TPRN: variants seen among roughly 807,000 people sequenced by gnomAD.
The protein encoded by TPRN is chromosome 9 open reading frame 75.
A neutral mutation model predicts 42.6 loss-of-function variants in TPRN; 32 were observed. That is an observed-to-expected ratio of 0.75 (90% CI 0.57 to 1.01). TPRN has a LOEUF of 1.01. Ranked by LOEUF, TPRN falls within the 50% of genes least tolerant of loss-of-function variation. The pLI is 0.00. For synonymous variants in TPRN, 541 were observed against 445.6 expected (o/e 1.21, Z -2.70); for missense variants, 1,095 against 957.5 (o/e 1.14, Z -1.90).
At position 137,199,627 on chromosome 9, in the gene TPRN, G is replaced by A; in HGVS notation, c.1085C>T (p.Ser362Phe). 19 of 1,563,008 alleles carry A rather than the reference G, an allele frequency of 1.2e-5. No homozygotes were observed. The highest frequency in any genetic ancestry group is 1.9e-5 in the Admixed American group (1 of 52,526). Reference sequence around the variant, plus strand: ...CTGGGATCCGAGCTCCTGGCTCGGGGAGGCCGGGCCCAGGTCTCCCTTTGG... The same window carrying A: ...CTGGGATCCGAGCTCCTGGCTCGGGAAGGCCGGGCCCAGGTCTCCCTTTGG... The part of the protein sequence containing the change: ...ELPKGDLGPA[S>F]PSQELGSQPV... Residue 362 changes from serine (S) to phenylalanine (F), a missense_variant, in exon 1 of 4, where the codon TCC becomes TTC. By Grantham distance (155) the Ser-to-Phe change is radical. Transcript: ENST00000409012.
In TPRN at chr9:137,200,027, CAG is replaced by C. The variant is rs1834777911; in HGVS notation, c.683_684del (p.Pro228ArgfsTer54). Reference protein sequence around the residue: ...ARLLSNGHSAPEPRAGPANRL... With the variant: ...ARLLSNGHSAXEPRAGPANRL... ...CGGTTGGCAGGGCCGGCCCGGGGCT[CAG>C]GGGCCGAGTGCCCGTTGGAGAGCAG... On this transcript the variant is annotated frameshift_variant, in exon 1 of 4. Transcript: ENST00000409012. LOFTEE classifies it high-confidence loss of function. The surrounding 1 kb of genome is among the most constrained non-coding windows in gnomAD (Gnocchi z 4.3). 6.9e-7 allele frequency: 1 copy of C among 1,441,964 alleles called. No homozygotes were observed. The highest frequency in any genetic ancestry group is 1.4e-5 in the African/African-American group (1 of 69,796). The allele number at this position is 1,441,964 out of a possible 1,614,324, so 89.3% of individuals were successfully genotyped here.
rs1213473552 is a variant in TPRN, at chr9:137,199,520, C to T, written c.1192G>A (p.Ala398Thr). The T allele has an allele frequency of 6.4e-7, 1 of 1,572,294 alleles. No individual in the cohort carries two copies. The highest frequency in any genetic ancestry group is 1.9e-5 in the Admixed American group (1 of 53,948). ...VEAQWAVEEG[A>T]CPRTATALAD... Reference sequence around the variant, plus strand: ...AGGGCGGTGGCTGTCCTGGGACAGGCCCCCTCCTCGACTGCCCACTGTGCC... The same window carrying T: ...AGGGCGGTGGCTGTCCTGGGACAGGTCCCCTCCTCGACTGCCCACTGTGCC... Residue 398 changes from alanine (A) to threonine (T), a missense_variant, in exon 1 of 4, where the codon GCC (alanine) becomes ACC (threonine). Ala to Thr is a moderately conservative substitution (Grantham distance 58, BLOSUM62 0). Transcript: ENST00000409012.
At position 137,199,759 on chromosome 9, in the gene TPRN, C is replaced by CG; in HGVS notation, c.952dup (p.Arg318ProfsTer29). On this transcript the variant is annotated frameshift_variant, in exon 1 of 4. Transcript: ENST00000409012. LOFTEE classifies it high-confidence loss of function. The stretch of plus-strand genomic sequence containing the variant: ...GTTTGCGCGGAGGCTGGCCAGCGCC[C>CG]GGGCCTGGAGGTCCCCCAAGGGGAT... 6 of 1,611,550 alleles carry CG rather than the reference C, an allele frequency of 3.7e-6. No individual in the cohort carries two copies. Among genetic ancestry groups the CG allele is most frequent in the Non-Finnish European group, 5.1e-6 (6 of 1,179,506 alleles).
intron 1 of TPRN, chr9:137,192,895 T>G (rs1588772176): frequency 1.7e-6 from 1 of 604,162 alleles, no homozygotes; most frequent in East Asian, 2.8e-5. Context: ...GGGGTCAACC[T>G]CCCCTCCCCA....
Position 137,200,141 on chromosome 9 carries a change from C to A in TPRN, c.571G>T (p.Ala191Ser). 2.5e-5 allele frequency: 31 copies of A among 1,222,532 alleles called. No individual in the cohort carries two copies. The highest frequency in any genetic ancestry group is 3.1e-5 in the Non-Finnish European group (30 of 983,270). 75.7% of individuals were successfully genotyped at this position (1,222,532 alleles called of 1,614,324 possible). A position where few individuals can be genotyped will look rare whatever the true frequency, so the allele number is the denominator to read the frequency against. Residue 191 changes from alanine (A) to serine (S), a missense_variant, in exon 1 of 4, where the codon GCC (alanine) becomes TCC (serine). Coordinates refer to ENST00000409012, the MANE Select transcript of TPRN (RefSeq NM_001128228.3). This position sits in a 1 kb window ranked among gnomAD's most constrained non-coding sequence, Gnocchi z 4.3. ...TTCTGGAGGAAGTCGCTGCGCCGGG[C>A]CCCGGGGCTCGCCCCGCCACCGCGG... The part of the protein sequence containing the change: ...GPRGGGASPG[A>S]RRSDFLQKTG...
rs749138341 is a variant in TPRN, at chr9:137,192,673, C to T, written c.1744G>A (p.Asp582Asn). 38 of 1,613,664 alleles carry T rather than the reference C, an allele frequency of 2.4e-5. No homozygotes were observed. Among genetic ancestry groups the T allele is most frequent in the Admixed American group, 3.3e-5 (2 of 59,988 alleles). The change falls in exon 2 of 4, where the codon GAC becomes AAC. Residue 582 changes from aspartate to asparagine, a missense_variant. By Grantham distance (23) the Asp-to-Asn change is conservative (BLOSUM62 1). Coordinates refer to ENST00000409012, the MANE Select transcript of TPRN (RefSeq NM_001128228.3). ...TCAAATGTGGTCTGCAGGCTTTTGT[C>T]GTTGAAGGAGATCTTCATCTGGGAG... ...SRKKMKISFNDKSLQTTFEYP... is the reference protein window; with the variant it reads ...SRKKMKISFNNKSLQTTFEYP...
Position 137,195,377 on chromosome 9 carries a change from G to A in TPRN, c.1726-2686C>T, listed in dbSNP as rs549991336. Among the ~76,000 whole-genome samples the A allele has an allele frequency of 2.6e-5, 4 of 152,362 alleles. No individual in the cohort carries two copies. In the East Asian group the frequency reaches 7.7e-4, roughly 29 times the overall value. On this transcript the variant is annotated intron_variant, in intron 1 of 3. Coordinates refer to ENST00000409012, the MANE Select transcript of TPRN (RefSeq NM_001128228.3). ...TCCCGGCTTCAGAAGGACCACCTAG[G>A]CGGCACCTATGGGAAGAGCTGGCGG...
Position 137,199,811 on chromosome 9 carries a change from G to C in TPRN, c.901C>G (p.Pro301Ala). 1.3e-6 allele frequency: 2 copies of C among 1,594,036 alleles called. No homozygotes were observed. Among genetic ancestry groups the C allele is most frequent in the Non-Finnish European group, 1.7e-6 (2 of 1,170,700 alleles). The change falls in exon 1 of 4, where the codon CCG (proline) becomes GCG (alanine). Residue 301 changes from proline (P) to alanine (A), a missense_variant. By Grantham distance (27) the Pro-to-Ala change is conservative. Transcript: ENST00000409012. ...GTCTCCATAACTGGCTTGGGGGCCG[G>C]CCGTATCTCGAAGGAGTCGTTGGTG... ...TSTNDSFEIR[P>A]APKPVMETIP...
chr9:137,191,802 G>C lies in TPRN; in HGVS notation c.*310C>G. On this transcript the variant is annotated 3_prime_UTR_variant, in exon 4 of 4. Transcript: ENST00000409012. Reference sequence around the variant, plus strand: ...GGCTGAGGAGACAGGACAGGGAATGGCCAGGTGCAGAATCTGCACAGCCCC... The same window carrying C: ...GGCTGAGGAGACAGGACAGGGAATGCCCAGGTGCAGAATCTGCACAGCCCC... The C allele has an allele frequency of 2.1e-6, 1 of 473,192 alleles. No individual in the cohort carries two copies. The highest frequency in any genetic ancestry group is 3.9e-6 in the Non-Finnish European group (1 of 255,978). 29.3% of individuals were successfully genotyped at this position (473,192 alleles called of 1,614,324 possible). A position where few individuals can be genotyped will look rare whatever the true frequency, so the allele number is the denominator to read the frequency against.
intron 3 of TPRN, 32 bp from the exon 4 acceptor site, chr9:137,192,206 G>A (rs761117453): frequency 6.2e-7 from 1 of 1,613,338 alleles, no homozygotes; most frequent in Non-Finnish European, 8.5e-7. Flanking sequence ...GTGGACACAT[G>A]GGCTCGCCCG....
chr9:137,200,695 C>A lies in TPRN; in HGVS notation c.17G>T (p.Arg6Leu). 8.3e-7 allele frequency: 1 copy of A among 1,198,872 alleles called. No individual in the cohort carries two copies. The highest frequency in any genetic ancestry group is 2.4e-5 in the South Asian group (1 of 41,066). The allele number at this position is 1,198,872 out of a possible 1,614,324, so 74.3% of individuals were successfully genotyped here. The change falls in exon 1 of 4, where the codon CGG (arginine) becomes CTG (leucine). Residue 6 changes from arginine to leucine, a missense_variant. Arg to Leu is a moderately radical substitution (Grantham distance 102, BLOSUM62 -2). Transcript: ENST00000409012. The surrounding 1 kb of genome is among the most constrained non-coding windows in gnomAD (Gnocchi z 4.3). ...CGCAGCGCGCGGCCCCGAGCCCGGC[C>A]GCCCCAGGGCGGCCATGCTGCGAAC... MAALG[R>L]PGSGPRAAVP...
At position 137,192,309 on chromosome 9, in the gene TPRN, C is replaced by A. The variant is rs139520402; in HGVS notation, c.2023G>T (p.Ala675Ser). The change falls in exon 3 of 4, where the codon GCG (alanine) becomes TCG (serine). Residue 675 changes from alanine (A) to serine (S), a missense_variant. By Grantham distance (99) the Ala-to-Ser change is moderately conservative. Coordinates refer to ENST00000409012, the MANE Select transcript of TPRN (RefSeq NM_001128228.3). The stretch of plus-strand genomic sequence containing the variant: ...GCCTCCCTCGGGGCCTGCTCCAGCG[C>A]CTGCTCCTGCCACTTGCTGAAGGCC... ...SVAFSKWQEQALEQAPREAEP... is the reference protein window; with the variant it reads ...SVAFSKWQEQSLEQAPREAEP... The A allele has an allele frequency of 6.2e-7, 1 of 1,612,902 alleles. No homozygotes were observed. Among genetic ancestry groups the A allele is most frequent in the African/African-American group, 1.3e-5 (1 of 74,940 alleles).
chr9:137,192,583 C>G lies in TPRN; in HGVS notation c.1834G>C (p.Glu612Gln). 1 of 1,612,540 alleles carries G rather than the reference C, an allele frequency of 6.2e-7. No individual in the cohort carries two copies. The highest frequency in any genetic ancestry group is 2.2e-5 in the East Asian group (1 of 44,814). ...TCCTCCTCTTCCTCTTCCTCCTCCT[C>G]CTCCTCCTCCTCCTCCTGCTGGTCC... The part of the protein sequence containing the change: ...EVDQQEEEEE[E>Q]EEEEEEEEEG... The change falls in exon 2 of 4, where the codon GAG becomes CAG. Residue 612 changes from glutamate to glutamine, a missense_variant. Coordinates refer to ENST00000409012, the MANE Select transcript of TPRN (RefSeq NM_001128228.3).
At chr9:137,196,313 A>T (rs1405674489) in intron 1 of TPRN, among the ~76,000 whole-genome samples, 1 of 152,212 alleles carries the variant, frequency 6.6e-6, no homozygotes, top group Non-Finnish European at 1.5e-5. Flanking sequence ...TGGGGTCAGC[A>T]CGGTGGCTCA....
Position 137,196,741 on chromosome 9 carries a change from A to C in TPRN, c.1725+2246T>G, listed in dbSNP as rs1834711385. Among the ~76,000 whole-genome samples, 6 of 152,298 alleles carry C rather than the reference A, an allele frequency of 3.9e-5. No individual in the cohort carries two copies. In the South Asian group the frequency reaches 1.2e-3, roughly 32 times the overall value. On this transcript the variant is annotated intron_variant, in intron 1 of 3. Coordinates refer to ENST00000409012, the MANE Select transcript of TPRN (RefSeq NM_001128228.3). ...CCCTGCCCCACAGCCCACCGTGCCG[A>C]GGCCAGCAAGCCATTCTGAAAGGCA...
Position 137,192,097 on chromosome 9 carries a change from C to T in TPRN, c.*15G>A, listed in dbSNP as rs760231148. On this transcript the variant is annotated 3_prime_UTR_variant, in exon 4 of 4. Transcript: ENST00000409012. ...CCCACAGCTGGGCTCAGCCTTGGTC[C>T]TGGCAGTGCTGGGCTCAGAAATACA... The T allele has an allele frequency of 2.4e-5, 39 of 1,611,754 alleles. No individual in the cohort carries two copies. Among genetic ancestry groups the T allele is most frequent in the Non-Finnish European group, 3.1e-5 (37 of 1,180,008 alleles).
Position 137,200,351 on chromosome 9 carries a change from C to G in TPRN, c.361G>C (p.Ala121Pro). ...PAPGAAQIRAAEVLVYGAPPG... is the reference protein window; with the variant it reads ...PAPGAAQIRAPEVLVYGAPPG... ...GGCGCCCCGTACACCAGCACCTCGG[C>G]GGCGCGGATCTGCGCGGCCCCCGGG... The change falls in exon 1 of 4, where the codon GCC becomes CCC. Residue 121 changes from alanine (A) to proline (P), a missense_variant. Ala to Pro is a conservative substitution (Grantham distance 27). Coordinates refer to ENST00000409012, the MANE Select transcript of TPRN (RefSeq NM_001128228.3). This position sits in a 1 kb window ranked among gnomAD's most constrained non-coding sequence, Gnocchi z 4.3. 9.6e-7 allele frequency: 1 copy of G among 1,038,388 alleles called. No homozygotes were observed. The highest frequency in any genetic ancestry group is 1.1e-6 in the Non-Finnish European group (1 of 870,108). The allele number at this position is 1,038,388 out of a possible 1,614,324, so 64.3% of individuals were successfully genotyped here. A position where few individuals can be genotyped will look rare whatever the true frequency, so the allele number is the denominator to read the frequency against.
In TPRN at chr9:137,191,950, C is replaced by A; in HGVS notation, c.*162G>T. The A allele has an allele frequency of 1.2e-6, 1 of 862,580 alleles. No individual in the cohort carries two copies. The highest frequency in any genetic ancestry group is 2.0e-5 in the Admixed American group (1 of 49,268). The allele number at this position is 862,580 out of a possible 1,614,324, so 53.4% of individuals were successfully genotyped here. Reference sequence around the variant, plus strand: ...GCCGGGGAGTGAGACCCAGACCTGGCCCCGATGGCAGGAGGCACCCTAGCT... The same window carrying A: ...GCCGGGGAGTGAGACCCAGACCTGGACCCGATGGCAGGAGGCACCCTAGCT... On this transcript the variant is annotated 3_prime_UTR_variant, in exon 4 of 4. Coordinates refer to ENST00000409012, the MANE Select transcript of TPRN (RefSeq NM_001128228.3).
In TPRN at chr9:137,198,968, C is replaced by T. The variant is rs1834746107; in HGVS notation, c.1725+19G>A. On this transcript the variant is annotated intron_variant, in intron 1 of 3. Transcript: ENST00000409012. Reference sequence around the variant, plus strand: ...TCACTCTCTCCCTGCCAGCCAGTGGCCCTGCCCCCACCACTGACCTTCTTT... The same window carrying T: ...TCACTCTCTCCCTGCCAGCCAGTGGTCCTGCCCCCACCACTGACCTTCTTT... The T allele has an allele frequency of 1.2e-6, 2 of 1,612,314 alleles. No homozygotes were observed. Among genetic ancestry groups the T allele is most frequent in the East Asian group, 2.2e-5 (1 of 44,902 alleles).
Sources: allele counts gnomAD v4.1 joint callset (sites outside exome capture counted in the v4.1 genomes callset), GRCh38; gene constraint gnomAD v4.1.1; non-coding constraint Gnocchi (gnomAD v3.1); transcripts MANE v1.5; gene names NCBI Gene and HGNC (gene_info 2026-07-23, HGNC 2026-07-21).